CCDC171: variants seen among roughly 807,000 people sequenced by gnomAD.
The protein encoded by CCDC171 is coiled-coil domain containing 171.
A neutral mutation model predicts 168.2 loss-of-function variants in CCDC171; 177 were observed. The ratio of observed to expected loss-of-function variants is 1.05; its 90% CI spans 0.93 to 1.19. The LOEUF is 1.19. Among genes scored for constraint, CCDC171 ranks in the 50% most tolerant of loss-of-function variants. CCDC171 has a pLI of 0.00. For synonymous variants in CCDC171, 687 were observed against 540.8 expected (o/e 1.27, Z -3.75); for missense variants, 1,991 against 1,539.0 (o/e 1.29, Z -4.91).
intron 21 of CCDC171, among the ~76,000 whole-genome samples, chr9:15,808,386 G>T (rs1262464945): frequency 6.6e-6 from 1 of 152,156 alleles, no homozygotes; most frequent in Non-Finnish European, 1.5e-5. Flanking sequence ...CAAGGATTGG[G>T]ATTTGTTAGA....
chr9:15,906,051 A>G (rs1053913277), intron 24 of CCDC171, among the ~76,000 whole-genome samples: 31 of 152,326 alleles, frequency 2.0e-4, no homozygotes, highest in Middle Eastern at 6.8e-3. Context: ...AACCAAAAAA[A>G]ATCCAGGACC....
intron 6 of CCDC171, among the ~76,000 whole-genome samples, chr9:15,594,472 G>A (rs2042201965): frequency 6.6e-6 from 1 of 151,998 alleles, no homozygotes; most frequent in Non-Finnish European, 1.5e-5. Flanking sequence ...GTTTTGAATA[G>A]GACAAAGAAA....
At chr9:16,060,038 C>T (rs1833907614) in intron 1 of CCDC171, among the ~76,000 whole-genome samples, 1 of 152,208 alleles carries the variant, frequency 6.6e-6, no homozygotes, top group Non-Finnish European at 1.5e-5. Context: ...TAAAAAGCAA[C>T]TGCCCAACCT....
chr9:15,986,807 G>T (rs1352756218), intron 3 of CCDC171, among the ~76,000 whole-genome samples: 1 of 152,096 alleles, frequency 6.6e-6, no homozygotes, highest in African/African-American at 2.4e-5. Context: ...ATTCTATAAG[G>T]ATTCTAAGAG....
chr9:15,700,142 G>T (rs990082612), intron 11 of CCDC171, among the ~76,000 whole-genome samples: 2 of 152,214 alleles, frequency 1.3e-5, no homozygotes, highest in African/African-American at 4.8e-5. Flanking sequence ...CATGGAGGGG[G>T]TGGGAGGCAG....
At chr9:15,912,810 CA>C (rs776931615) in intron 24 of CCDC171, among the ~76,000 whole-genome samples, 85 of 152,120 alleles carry the variant, frequency 5.6e-4, no homozygotes, top group Non-Finnish European at 1.0e-3. Context: ...TGGTTTTTGT[CA>C]TTGGTTTTGT....
chr9:15,568,180 A>C (rs1563954115), intron 2 of CCDC171, among the ~76,000 whole-genome samples: 1 of 152,066 alleles, frequency 6.6e-6, no homozygotes, highest in Admixed American at 6.5e-5. Flanking sequence ...TTTGTAATTA[A>C]AGACAGTTTT....
At chr9:15,844,486 A>G (rs1362635221) in intron 21 of CCDC171, among the ~76,000 whole-genome samples, 1 of 152,108 alleles carries the variant, frequency 6.6e-6, no homozygotes, top group Non-Finnish European at 1.5e-5. Context: ...CATCAATCTT[A>G]GGACCCACTG....
intron 6 of CCDC171, among the ~76,000 whole-genome samples, chr9:15,609,221 T>G (rs942846757): frequency 7.2e-5 from 11 of 151,826 alleles, no homozygotes; most frequent in Admixed American, 2.6e-4. Flanking sequence ...TGCCTCAGCC[T>G]CCCGAGTAGC....
chr9:16,000,598 G>A (rs1358469187), intron 3 of CCDC171, among the ~76,000 whole-genome samples: 1 of 152,176 alleles, frequency 6.6e-6, no homozygotes, highest in African/African-American at 2.4e-5. Context: ...ATAATGGGGA[G>A]ACAGAATTTG....
the CCDC171 span, among the ~76,000 whole-genome samples, chr9:16,091,542 C>A: frequency 6.6e-6 from 1 of 152,180 alleles, no homozygotes; most frequent in African/African-American, 2.4e-5. Context: ...GTCCCTGGAG[C>A]ACAGGCCTGG....
intron 21 of CCDC171, among the ~76,000 whole-genome samples, chr9:15,796,589 A>G (rs553615238): frequency 4.6e-5 from 7 of 152,338 alleles, no homozygotes; most frequent in Admixed American, 1.3e-4. Flanking sequence ...CTTTTGACAA[A>G]TGTATACATT....
chr9:15,673,149 G>A (rs532154311), intron 9 of CCDC171, among the ~76,000 whole-genome samples: 2 of 151,744 alleles, frequency 1.3e-5, no homozygotes, highest in East Asian at 1.9e-4. Context: ...TGAATTGGCT[G>A]TCTGTCTGTT....
chr9:15,897,863 GA>G (rs762962599), intron 24 of CCDC171, among the ~76,000 whole-genome samples: 5 of 152,146 alleles, frequency 3.3e-5, no homozygotes, highest in Non-Finnish European at 7.4e-5. Context: ...AGGAAACTTG[GA>G]ACACATTGAG....
chr9:15,705,496 CT>C (rs1292421188), intron 11 of CCDC171, among the ~76,000 whole-genome samples: 2 of 152,180 alleles, frequency 1.3e-5, no homozygotes, highest in Non-Finnish European at 2.9e-5. Flanking sequence ...ATGCTTTTGC[CT>C]TAGATGCCTT....
chr9:15,648,794 A>G (rs897428406), intron 7 of CCDC171, among the ~76,000 whole-genome samples: 3 of 152,242 alleles, frequency 2.0e-5, no homozygotes, highest in African/African-American at 7.2e-5. Context: ...GATAGGAAGA[A>G]TAAATATCAT....
intron 18 of CCDC171, among the ~76,000 whole-genome samples, chr9:15,749,001 A>T (rs2055508343): frequency 6.6e-6 from 1 of 152,230 alleles, no homozygotes; most frequent in African/African-American, 2.4e-5. Context: ...TAAAGGCTCC[A>T]GTTGAAAGAT....
At chr9:15,779,188 A>G (rs2057519344) in intron 20 of CCDC171, 38 bp downstream of exon 20, 1 of 1,238,058 alleles carries the variant, frequency 8.1e-7, no homozygotes, top group South Asian at 2.3e-5. Flanking sequence ...TGCTTTGCTG[A>G]TATATATTTC....
intron 18 of CCDC171, among the ~76,000 whole-genome samples, chr9:15,773,476 T>C (rs2057120608): frequency 1.3e-5 from 2 of 152,186 alleles, no homozygotes; most frequent in Non-Finnish European, 2.9e-5. Context: ...CCCCTTCTAT[T>C]GGAAAAAGTA....
Sources: allele counts gnomAD v4.1 joint callset (sites outside exome capture counted in the v4.1 genomes callset), GRCh38; gene constraint gnomAD v4.1.1; transcripts MANE v1.5; gene names NCBI Gene and HGNC (gene_info 2026-07-23, HGNC 2026-07-21).